PPP1R36: variants seen among roughly 807,000 people sequenced by gnomAD.
PPP1R36 encodes the protein chromosome 14 open reading frame 50.
In PPP1R36, 47 loss-of-function variants were observed where a neutral mutation model predicts 53.4. That is an observed-to-expected ratio of 0.88 (90% confidence interval 0.70 to 1.12). The LOEUF is 1.12. Ranked by LOEUF, PPP1R36 falls within the 50% of genes most tolerant of loss-of-function variation. PPP1R36 has a pLI of 0.00. For synonymous variants in PPP1R36, 153 were observed against 170.5 expected, an observed-to-expected ratio of 0.90 and a Z score of 0.80; for missense variants, 456 against 513.9, an observed-to-expected ratio of 0.89 and a Z score of 1.09.
At chr14:64,555,101 G>A (rs567478962) in intron 3 of PPP1R36, among the ~76,000 whole-genome samples, 1 of 152,176 alleles carries the variant, frequency 6.6e-6, no homozygotes, top group South Asian at 2.1e-4. Flanking sequence ...AGTGGCGCTT[G>A]CAGCTACAGC....
rs2080107487 is a variant in PPP1R36, at chr14:64,552,866, G to A, written c.182+5G>A. On this transcript the variant is annotated splice_donor_5th_base_variant and intron_variant, in intron 3 of 11. Coordinates refer to ENST00000298705, the MANE Select transcript of PPP1R36 (RefSeq NM_172365.3). Reference sequence around the variant, plus strand: ...GCTCCTGAAACATCACCCTCAGTGAGTGTGAGACAGACAGTGAGATAGCTT... The same window carrying A: ...GCTCCTGAAACATCACCCTCAGTGAATGTGAGACAGACAGTGAGATAGCTT... The A allele has an allele frequency of 3.1e-6, 5 of 1,611,570 alleles. No homozygotes were observed. The highest frequency in any genetic ancestry group is 1.6e-4 in the Middle Eastern group (1 of 6,082).
At position 64,574,581 on chromosome 14, in the gene PPP1R36, C is replaced by T. The variant is rs1566655655; in HGVS notation, c.660C>T (p.Cys220=). The part of the protein sequence containing the change: ...GLAVPDKHHM[C]CGKEKISDTQ... ...CCGTGCCGGATAAGCATCACATGTG[C>T]TGTGGAAAGTAAGCAGATACTTACA... The change falls in exon 8 of 12, where the codon TGC becomes TGT. Residue 220 remains cysteine (C), a synonymous_variant. Coordinates refer to ENST00000298705, the MANE Select transcript of PPP1R36 (RefSeq NM_172365.3). 5.0e-6 allele frequency: 8 copies of T among 1,611,724 alleles called. No homozygotes were observed. The highest frequency in any genetic ancestry group is 1.3e-5 in the African/African-American group (1 of 74,916).
intron 8 of PPP1R36, among the ~76,000 whole-genome samples, chr14:64,579,231 T>G (rs1286226797): frequency 6.6e-6 from 1 of 152,190 alleles, no homozygotes; most frequent in Non-Finnish European, 1.5e-5. Flanking sequence ...TTTATCTATT[T>G]AACAAACCTT....
At chr14:64,567,360 A>G (rs570742908) in intron 6 of PPP1R36, among the ~76,000 whole-genome samples, 78 of 152,382 alleles carry the variant, frequency 5.1e-4, no homozygotes, top group African/African-American at 1.6e-3. Flanking sequence ...TGTCTATAAT[A>G]TTTTTAAAAA....
chr14:64,584,487 A>C (rs1176228020), intron 8 of PPP1R36, among the ~76,000 whole-genome samples: 1 of 152,178 alleles, frequency 6.6e-6, no homozygotes, highest in East Asian at 1.9e-4. Context: ...AAGGGTGGAA[A>C]TTTCACATCA....
chr14:64,560,692 C>A (rs2080199673), intron 3 of PPP1R36, among the ~76,000 whole-genome samples: 1 of 152,016 alleles, frequency 6.6e-6, no homozygotes, highest in Non-Finnish European at 1.5e-5. Context: ...AGCGTGAGCA[C>A]CTGGTTTGAT....
At chr14:64,573,717 A>G (rs1431130921) in intron 7 of PPP1R36, among the ~76,000 whole-genome samples, 1 of 151,868 alleles carries the variant, frequency 6.6e-6, no homozygotes, top group Non-Finnish European at 1.5e-5. Flanking sequence ...GTTCAAGACC[A>G]GCCTGGCCAA....
At chr14:64,569,075 C>T (rs2080283013) in intron 7 of PPP1R36, among the ~76,000 whole-genome samples, 1 of 152,060 alleles carries the variant, frequency 6.6e-6, no homozygotes, top group Admixed American at 6.6e-5. Context: ...AAGTGGCATT[C>T]CACATCACAG....
chr14:64,565,921 A>C (rs565204656), intron 6 of PPP1R36, among the ~76,000 whole-genome samples: 6 of 152,334 alleles, frequency 3.9e-5, no homozygotes, highest in African/African-American at 1.4e-4. Flanking sequence ...TATGGAGAGC[A>C]TGCTGTCAGA....
At chr14:64,556,762 ATGTGTGTGTGTGTGTG>A (rs369620598) in intron 3 of PPP1R36, among the ~76,000 whole-genome samples, 4 of 133,970 alleles carry the variant, frequency 3.0e-5, no homozygotes, top group African/African-American at 8.4e-5. Flanking sequence ...TCTCCAAAAA[ATGTGTGTGTGTGTGTG>A]TGTGTGTGTG....
At chr14:64,580,976 A>T (rs1403900067) in intron 8 of PPP1R36, among the ~76,000 whole-genome samples, 1 of 152,160 alleles carries the variant, frequency 6.6e-6, no homozygotes, top group African/African-American at 2.4e-5. Context: ...GGTTTGTAAT[A>T]TCAGGAGAAA....
At chr14:64,579,330 A>G (rs1214315012) in intron 8 of PPP1R36, among the ~76,000 whole-genome samples, 3 of 152,224 alleles carry the variant, frequency 2.0e-5, no homozygotes, top group Non-Finnish European at 2.9e-5. Flanking sequence ...GAATTATTAC[A>G]TTTAATCTCT....
chr14:64,574,993 A>T (rs2080331497), intron 8 of PPP1R36, among the ~76,000 whole-genome samples: 1 of 152,200 alleles, frequency 6.6e-6, no homozygotes, highest in Non-Finnish European at 1.5e-5. Flanking sequence ...AACAATTGTG[A>T]GTAGGAGCTG....
chr14:64,560,012 G>A lies in PPP1R36; in HGVS notation c.183-4739G>A, dbSNP rs563335984. Among the ~76,000 whole-genome samples, 14 of 143,454 alleles carry A rather than the reference G, an allele frequency of 9.8e-5. No individual in the cohort carries two copies. The East Asian group carries it at 3.0e-3, about 31-fold the overall frequency. 94.1% of individuals were successfully genotyped at this position (143,454 alleles called of 152,430 possible). On this transcript the variant is annotated intron_variant, in intron 3 of 11. Coordinates refer to ENST00000298705, the MANE Select transcript of PPP1R36 (RefSeq NM_172365.3). Reference sequence around the variant, plus strand: ...CAACTACTTGGAAGGCCTGAGGCAGGAGAATTGCTTGAACCCAGGAGGCGG... The same window carrying A: ...CAACTACTTGGAAGGCCTGAGGCAGAAGAATTGCTTGAACCCAGGAGGCGG...
chr14:64,556,050 G>A (rs1212718324), intron 3 of PPP1R36, among the ~76,000 whole-genome samples: 1 of 151,028 alleles, frequency 6.6e-6, no homozygotes, highest in Non-Finnish European at 1.5e-5. Context: ...TTTTTATTTT[G>A]TGTTTTCAAC....
At position 64,588,092 on chromosome 14, in the gene PPP1R36, C is replaced by T. The variant is rs1165241053; in HGVS notation, c.891-12C>T. ...GGTGATATGACCTAAATGTCACCTT[C>T]CTCCCCGACAGGAGAATGATGGCAA... On this transcript the variant is annotated splice_polypyrimidine_tract_variant and intron_variant, in intron 10 of 11. Coordinates refer to ENST00000298705, the MANE Select transcript of PPP1R36 (RefSeq NM_172365.3). 4 of 1,586,252 alleles carry T rather than the reference C, an allele frequency of 2.5e-6. No individual in the cohort carries two copies. The South Asian group carries it at 4.6e-5, about 18-fold the overall frequency.
At chr14:64,569,071 C>T (rs1048917312) in intron 7 of PPP1R36, among the ~76,000 whole-genome samples, 1 of 152,074 alleles carries the variant, frequency 6.6e-6, no homozygotes, top group Non-Finnish European at 1.5e-5. Flanking sequence ...GCCAAAGTGG[C>T]ATTCCACATC....
rs147852832 is a variant in PPP1R36, at chr14:64,574,458, C to T, written c.537C>T (p.Gly179=). ...TTTTTTTTGTCCTCCCCATCAGAGGCCTTGTAGAGAAAAAAGAAATGGAAT... is the reference window on the plus strand; with the variant it reads ...TTTTTTTTGTCCTCCCCATCAGAGGTCTTGTAGAGAAAAAAGAAATGGAAT... The part of the protein sequence containing the change: ...LEKKPKSYMV[G]LVEKKEMELV... Residue 179 remains glycine, a synonymous_variant, in exon 8 of 12, where the codon GGC becomes GGT. Transcript: ENST00000298705. 27 of 1,611,844 alleles carry T rather than the reference C, an allele frequency of 1.7e-5. No individual in the cohort carries two copies. The highest frequency in any genetic ancestry group is 2.2e-5 in the Non-Finnish European group (26 of 1,179,296).
chr14:64,558,639 C>CTT (rs200431215), intron 3 of PPP1R36, among the ~76,000 whole-genome samples: 35 of 143,324 alleles, frequency 2.4e-4, no homozygotes, highest in Admixed American at 1.5e-3. Flanking sequence ...TTTGTTTTGT[C>CTT]TTTTTTTTTT....
Sources: allele counts gnomAD v4.1 joint callset (sites outside exome capture counted in the v4.1 genomes callset), GRCh38; gene constraint gnomAD v4.1.1; transcripts MANE v1.5; gene names NCBI Gene and HGNC (gene_info 2026-07-23, HGNC 2026-07-21).